Variants in SLC6A3 observed in about 807,000 individuals in gnomAD.
SLC6A3 encodes the protein sodium-dependent dopamine transporter.
SLC6A3 carries 19 observed loss-of-function variants against 70.4 expected under a neutral mutation model. The ratio of observed to expected loss-of-function variants is 0.27; its 90% CI spans 0.19 to 0.40. The LOEUF (loss-of-function observed/expected upper bound fraction) is 0.40, where lower values mean the gene tolerates loss of function less well. Ranked by LOEUF, SLC6A3 falls within the 10% of genes least tolerant of loss-of-function variation. SLC6A3 has a pLI of 1.00. For missense variants in SLC6A3, 613 were observed against 838.5 expected, an observed-to-expected ratio of 0.73 and a Z score of 3.32; for synonymous variants, 368 against 356.6, an observed-to-expected ratio of 1.03 and a Z score of -0.36.
At position 1,406,945 on chromosome 5, in the gene SLC6A3, C is replaced by A. The variant is rs1755996449; in HGVS notation, c.1499-657G>T. 6.6e-6 allele frequency among the ~76,000 whole-genome samples: 1 copy of A among 152,134 alleles called. No individual in the cohort carries two copies. The highest frequency in any genetic ancestry group is 6.5e-5 in the Admixed American group (1 of 15,276). ...TCCCTGTAGAGTGTCCCTGAGGCCA[C>A]CTAAGCTGCGGCCCACATCAGCATT... On this transcript the variant is annotated intron_variant, in intron 11 of 14. Transcript: ENST00000270349. The surrounding 1 kb of genome is among the most constrained non-coding windows in gnomAD (Gnocchi z 8.8).
intron 4 of SLC6A3, among the ~76,000 whole-genome samples, chr5:1,424,143 C>T (rs577715556): frequency 1.3e-5 from 2 of 152,358 alleles, no homozygotes; most frequent in South Asian, 4.1e-4. Context: ...GCACAGGCCC[C>T]AGGTTGGCCG....
rs112801202 is a variant in SLC6A3 at position 1,441,447 on chromosome 5, C to T, written c.330G>A (p.Gly110=). The T allele has an allele frequency of 5.6e-5, 90 of 1,614,106 alleles. No individual in the cohort carries two copies. The highest frequency in any genetic ancestry group is 1.2e-4 in the Admixed American group (7 of 60,008). ...VPYLLFMVIA[G]MPLFYMELAL... is the part of the protein sequence containing the mutation. ...CCAGCTCCATGTAGAAAAGTGGCAT[C>T]CCAGCAATGACCATGAAGAGCAGGT... Residue 110 remains glycine, a synonymous_variant, in exon 3 of 15, where the codon GGG becomes GGA. Transcript: ENST00000270349.
intron 4 of SLC6A3, among the ~76,000 whole-genome samples, chr5:1,430,972 G>A (rs1472570753): frequency 2.0e-5 from 3 of 152,250 alleles, no homozygotes; most frequent in African/African-American, 7.2e-5. Context: ...GCATATAAAC[G>A]TGAATAAGAT....
chr5:1,416,515 G>T, intron 6 of SLC6A3: 1 of 494,580 alleles, frequency 2.0e-6, no homozygotes, highest in African/African-American at 1.9e-5. Context: ...GAACAGCATG[G>T]ACTCATCCAC....
intron 10 of SLC6A3, 59 bp downstream of exon 10, chr5:1,409,662 C>A: frequency 6.2e-7 from 1 of 1,607,074 alleles, no homozygotes; most frequent in South Asian, 1.1e-5. Context: ...CCAGGGCGCC[C>A]CGTGCCACGT....
chr5:1,425,080 A>T (rs1305469743), intron 4 of SLC6A3, among the ~76,000 whole-genome samples: 2 of 152,206 alleles, frequency 1.3e-5, no homozygotes, highest in Admixed American at 6.5e-5. Flanking sequence ...GGACCAGAAA[A>T]GTGTTGGCCC....
At chr5:1,422,411 C>T (rs747882837) in intron 4 of SLC6A3, among the ~76,000 whole-genome samples, 36 of 93,320 alleles carry the variant, frequency 3.9e-4, no homozygotes, top group East Asian at 2.9e-3. Context: ...CCGCTGCCCA[C>T]GGTGCTGCCC....
Position 1,405,376 on chromosome 5 carries a change from G to A in SLC6A3, c.1599+812C>T, listed in dbSNP as rs1001679927. ...CACGCACGCGGGCCCTGCTGACTCCGGGACCAGCCCTTGGTCCATGAGAGG... is the reference window on the plus strand; with the variant it reads ...CACGCACGCGGGCCCTGCTGACTCCAGGACCAGCCCTTGGTCCATGAGAGG... On this transcript the variant is annotated intron_variant, in intron 12 of 14. Transcript: ENST00000270349. The surrounding 1 kb of genome is among the most constrained non-coding windows in gnomAD (Gnocchi z 5.3). 2.6e-5 allele frequency among the ~76,000 whole-genome samples: 4 copies of A among 152,180 alleles called. No homozygotes were observed. Among genetic ancestry groups the A allele is most frequent in the African/African-American group, 9.7e-5 (4 of 41,440 alleles).
chr5:1,422,963 G>A (rs1190882986), intron 4 of SLC6A3, among the ~76,000 whole-genome samples: 22 of 69,526 alleles, frequency 3.2e-4, no homozygotes, highest in Admixed American at 4.8e-4. Flanking sequence ...GGTGCCCACC[G>A]CTGCCCACAG....
chr5:1,437,965 C>T lies in SLC6A3; in HGVS notation c.418+3394G>A, dbSNP rs145907042. ...GACAAAGGCACATGTATCAGGGTGC[C>T]GGGGGTGCATGGTGTACATCTGATT... On this transcript the variant is annotated intron_variant, in intron 3 of 14. Coordinates refer to ENST00000270349, the MANE Select transcript of SLC6A3 (RefSeq NM_001044.5). This position sits in a 1 kb window ranked among gnomAD's most constrained non-coding sequence, Gnocchi z 4.8. 3.3e-5 allele frequency among the ~76,000 whole-genome samples: 5 copies of T among 152,270 alleles called. No individual in the cohort carries two copies. Among genetic ancestry groups the T allele is most frequent in the Non-Finnish European group, 5.9e-5 (4 of 68,012 alleles).
intron 14 of SLC6A3, among the ~76,000 whole-genome samples, chr5:1,400,051 G>A (rs1028665699): frequency 5.9e-5 from 9 of 152,240 alleles, no homozygotes; most frequent in Admixed American, 6.5e-5. Flanking sequence ...CAGGTCCGAG[G>A]TGGGGCCGCG....
intron 3 of SLC6A3, among the ~76,000 whole-genome samples, chr5:1,439,951 A>G (rs991526517): frequency 1.3e-5 from 2 of 152,220 alleles, no homozygotes; most frequent in Admixed American, 6.5e-5. Context: ...TCCAACACAG[A>G]GACCTAGTGT....
At chr5:1,409,579 A>G in intron 10 of SLC6A3, 142 bp downstream of exon 10, 1 of 938,932 alleles carries the variant, frequency 1.1e-6, no homozygotes, top group South Asian at 1.3e-5. Context: ...CACTGCTACG[A>G]GTCATTTTCT....
At chr5:1,422,385 A>C (rs451561) in intron 4 of SLC6A3, among the ~76,000 whole-genome samples, 41,555 of 95,966 alleles carry the variant, frequency 0.43, 8,173 homozygotes, top group South Asian at 0.58. Flanking sequence ...GTGCTGCCCA[A>C]GGTGCTGGGT....
chr5:1,440,832 C>T (rs1006100375), intron 3 of SLC6A3, among the ~76,000 whole-genome samples: 2 of 152,328 alleles, frequency 1.3e-5, no homozygotes, highest in East Asian at 3.9e-4. Context: ...TCTTGGACTT[C>T]CAGCCTCCAG....
In SLC6A3 at chr5:1,408,459, C is replaced by T. The variant is rs761544218; in HGVS notation, c.1498+567G>A. On this transcript the variant is annotated intron_variant, in intron 11 of 14. Coordinates refer to ENST00000270349, the MANE Select transcript of SLC6A3 (RefSeq NM_001044.5). The surrounding 1 kb of genome is among the most constrained non-coding windows in gnomAD (Gnocchi z 6.4). Reference sequence around the variant, plus strand: ...TACAGAAGAGAGAACTAAGGGGAGTCGAGGTGACTTGGCCAGGTCAGCATG... The same window carrying T: ...TACAGAAGAGAGAACTAAGGGGAGTTGAGGTGACTTGGCCAGGTCAGCATG... 1.3e-5 allele frequency among the ~76,000 whole-genome samples: 2 copies of T among 152,016 alleles called. No individual in the cohort carries two copies. The highest frequency in any genetic ancestry group is 2.4e-5 in the African/African-American group (1 of 41,382).
intron 3 of SLC6A3, 56 bp downstream of exon 3, chr5:1,441,303 G>A: frequency 6.2e-7 from 1 of 1,610,792 alleles, no homozygotes; most frequent in Admixed American, 1.7e-5. Context: ...GAAAGCTCCA[G>A]CGTCACCACC....
chr5:1,410,067 A>G (rs1756079852), intron 9 of SLC6A3, among the ~76,000 whole-genome samples: 1 of 152,216 alleles, frequency 6.6e-6, no homozygotes, highest in Non-Finnish European at 1.5e-5. Context: ...CAGAGGGACC[A>G]CTGTATCCAC....
At position 1,442,579 on chromosome 5, in the gene SLC6A3, C is replaced by T. The variant is rs1461143382; in HGVS notation, c.286+333G>A. ...GTCAGCCGCAGGCTGTTCTTTGGAC[C>T]TTTGAGAATTTTCTTTCCAAAGCGA... On this transcript the variant is annotated intron_variant, in intron 2 of 14. Transcript: ENST00000270349. The surrounding 1 kb of genome is among the most constrained non-coding windows in gnomAD (Gnocchi z 5.0). Among the ~76,000 whole-genome samples, 12 of 152,256 alleles carry T rather than the reference C, an allele frequency of 7.9e-5. No individual in the cohort carries two copies. The highest frequency in any genetic ancestry group is 1.7e-4 in the African/African-American group (7 of 41,556).
Sources: gnomAD v4.1 joint callset for allele counts (sites outside exome capture counted in the v4.1 genomes callset) on GRCh38, gnomAD v4.1.1 for gene constraint, Gnocchi (gnomAD v3.1) non-coding constraint, MANE v1.5 for transcripts, NCBI Gene and HGNC (gene_info 2026-07-23, HGNC 2026-07-21) for gene names.